Variants in EPHA6 observed in about 807,000 individuals in gnomAD.
EPHA6 encodes the protein EPH receptor A6.
A neutral mutation model predicts 112.0 loss-of-function variants in EPHA6; 50 were observed. The ratio of observed to expected loss-of-function variants is 0.45; its 90% CI spans 0.36 to 0.56. The LOEUF is 0.56. EPHA6 is among the 20% of genes least tolerant of loss of function. The pLI is 0.00. For missense variants in EPHA6, 1,280 were observed against 1,417.4 expected, an observed-to-expected ratio of 0.90 and a Z score of 1.56; for synonymous variants, 529 against 490.7, an observed-to-expected ratio of 1.08 and a Z score of -1.03.
intron 11 of EPHA6, among the ~76,000 whole-genome samples, chr3:97,556,497 G>A (rs2093112194): frequency 6.6e-6 from 1 of 152,012 alleles, no homozygotes; most frequent in Non-Finnish European, 1.5e-5. Context: ...AGTGCAGAGT[G>A]AAGCAGTATG....
intron 3 of EPHA6, among the ~76,000 whole-genome samples, chr3:97,014,409 C>T (rs1173572184): frequency 6.6e-6 from 1 of 151,446 alleles, no homozygotes; most frequent in African/African-American, 2.4e-5. Context: ...CCCTTCACCT[C>T]CTTCCTTCTT....
intron 3 of EPHA6, among the ~76,000 whole-genome samples, chr3:97,006,595 CTCTA>C (rs1360002480): frequency 1.3e-5 from 2 of 151,588 alleles, no homozygotes; most frequent in South Asian, 4.2e-4. Flanking sequence ...TTGTTCTTGT[CTCTA>C]TCTCTTTCAG....
chr3:97,422,184 A>G (rs2088712264), intron 6 of EPHA6, among the ~76,000 whole-genome samples: 1 of 150,908 alleles, frequency 6.6e-6, no homozygotes, highest in South Asian at 2.1e-4. Flanking sequence ...AACTTTATTT[A>G]GATTGTCAAA....
chr3:96,928,134 T>C (rs2040134583), intron 2 of EPHA6, among the ~76,000 whole-genome samples: 1 of 152,216 alleles, frequency 6.6e-6, no homozygotes. Flanking sequence ...GTGGAGATTA[T>C]ACAGATTATA....
At chr3:97,497,256 G>T (rs1577579251) in intron 10 of EPHA6, among the ~76,000 whole-genome samples, 1 of 152,084 alleles carries the variant, frequency 6.6e-6, no homozygotes, top group Non-Finnish European at 1.5e-5. Context: ...TTTCCTTCAC[G>T]CATTGCTCTG....
At chr3:97,094,509 G>C (rs2047178184) in intron 3 of EPHA6, among the ~76,000 whole-genome samples, 1 of 152,106 alleles carries the variant, frequency 6.6e-6, no homozygotes, top group African/African-American at 2.4e-5. Context: ...AGATTGTGTT[G>C]TTGCATTAGT....
intron 11 of EPHA6, among the ~76,000 whole-genome samples, chr3:97,560,264 G>C (rs2093170341): frequency 6.6e-6 from 1 of 151,908 alleles, no homozygotes; most frequent in South Asian, 2.1e-4. Flanking sequence ...AAAGTGCCCT[G>C]AGAACGATTG....
At chr3:97,457,956 T>C (rs888810587) in intron 7 of EPHA6, among the ~76,000 whole-genome samples, 3 of 148,306 alleles carry the variant, frequency 2.0e-5, no homozygotes, top group Non-Finnish European at 4.4e-5. Context: ...TAGTCCCAGC[T>C]ACTAGGGAGG....
At chr3:97,360,930 A>T (rs915275884) in intron 5 of EPHA6, among the ~76,000 whole-genome samples, 1 of 152,166 alleles carries the variant, frequency 6.6e-6, no homozygotes, top group East Asian at 1.9e-4. Context: ...ACCTATGCTT[A>T]TGTTGGCTCT....
At chr3:97,541,639 T>A (rs1487060995) in intron 11 of EPHA6, among the ~76,000 whole-genome samples, 4 of 152,116 alleles carry the variant, frequency 2.6e-5, no homozygotes, top group African/African-American at 9.7e-5. Context: ...TTTCCTTGTC[T>A]TTTATGACCT....
At chr3:97,237,716 C>T (rs1254200003) in intron 4 of EPHA6, among the ~76,000 whole-genome samples, 1 of 151,664 alleles carries the variant, frequency 6.6e-6, no homozygotes, top group Non-Finnish European at 1.5e-5. Flanking sequence ...TTTGCTTTTC[C>T]CTCTGAAATT....
intron 10 of EPHA6, among the ~76,000 whole-genome samples, chr3:97,526,860 A>G (rs183930520): frequency 6.7e-4 from 101 of 151,562 alleles, no homozygotes; most frequent in African/African-American, 2.4e-3. Context: ...CTAATGGCAC[A>G]GATGGATGAG....
intron 5 of EPHA6, among the ~76,000 whole-genome samples, chr3:97,401,647 T>C (rs1450217384): frequency 6.6e-6 from 1 of 151,814 alleles, no homozygotes; most frequent in Admixed American, 6.6e-5. Flanking sequence ...TTTTGTATTA[T>C]TTCATCTCCA....
intron 10 of EPHA6, among the ~76,000 whole-genome samples, chr3:97,493,044 CTT>C (rs1343357792): frequency 2.0e-5 from 3 of 147,034 alleles, no homozygotes; most frequent in Non-Finnish European, 4.5e-5. Context: ...TGGCTAGTGA[CTT>C]TTTAGTTTGT....
intron 5 of EPHA6, among the ~76,000 whole-genome samples, chr3:97,354,655 A>C (rs1199354227): frequency 2.0e-5 from 3 of 152,200 alleles, no homozygotes; most frequent in Non-Finnish European, 4.4e-5. Context: ...GGCCTTAAAG[A>C]GGCAGTAGAG....
intron 6 of EPHA6, among the ~76,000 whole-genome samples, chr3:97,408,268 C>T (rs539904791): frequency 8.5e-5 from 13 of 152,054 alleles, no homozygotes; most frequent in South Asian, 8.3e-4. Context: ...AAAATGAGGC[C>T]GGGCACGGTG....
At chr3:97,187,291 A>G (rs918969761) in intron 3 of EPHA6, among the ~76,000 whole-genome samples, 10 of 152,090 alleles carry the variant, frequency 6.6e-5, no homozygotes, top group Non-Finnish European at 1.2e-4. Flanking sequence ...GGAATGCCAT[A>G]TATAAGCCGG....
At chr3:97,138,937 G>C (rs537155650) in intron 3 of EPHA6, among the ~76,000 whole-genome samples, 3 of 152,300 alleles carry the variant, frequency 2.0e-5, no homozygotes, top group South Asian at 4.1e-4. Context: ...AAACCTAGGT[G>C]TGTCCCAGTG....
intron 2 of EPHA6, among the ~76,000 whole-genome samples, chr3:96,874,328 T>C (rs928190178): frequency 1.3e-5 from 2 of 152,118 alleles, no homozygotes; most frequent in African/African-American, 4.8e-5. Flanking sequence ...GTGCATGTTT[T>C]AGATTGTTTT....
Sources: allele counts gnomAD v4.1 joint callset (sites outside exome capture counted in the v4.1 genomes callset), GRCh38; gene constraint gnomAD v4.1.1; transcripts MANE v1.5; gene names NCBI Gene and HGNC (gene_info 2026-07-23, HGNC 2026-07-21).